PPP6R3: variants seen among roughly 807,000 people sequenced by gnomAD.
The protein encoded by PPP6R3 is protein phosphatase 6 regulatory subunit 3.
In PPP6R3, 38 loss-of-function variants were observed where a neutral mutation model predicts 110.7. The observed-to-expected ratio is 0.34, with a 90% CI of 0.26 to 0.45. The LOEUF (loss-of-function observed/expected upper bound fraction) is 0.45, where lower values mean the gene tolerates loss of function less well. Ranked by LOEUF, PPP6R3 falls within the 20% of genes least tolerant of loss-of-function variation. The pLI is 1.00. For missense variants in PPP6R3, 870 were observed against 1,062.4 expected (o/e 0.82, Z 2.52); for synonymous variants, 369 against 373.5 (o/e 0.99, Z 0.14).
At chr11:68,575,340 C>G (rs1000105632) in intron 13 of PPP6R3, among the ~76,000 whole-genome samples, 9 of 152,164 alleles carry the variant, frequency 5.9e-5, no homozygotes, top group Non-Finnish European at 1.3e-4. Flanking sequence ...GTTGTTTATC[C>G]TTTTCTTTAA....
rs572384222 is a variant in PPP6R3 at position 68,574,195 on chromosome 11, A to G, written c.1430A>G (p.Asn477Ser). The change falls in exon 13 of 24, where the codon AAC becomes AGC. Residue 477 changes from asparagine to serine, a missense_variant. Transcript: ENST00000393800. ...CIVHSTDKGP[N>S]SALVQQLIKD... Reference sequence around the variant, plus strand: ...GTGCACAGCACTGACAAGGGCCCCAACAGTGCATTAGTGCAGCAGCTTATC... The same window carrying G: ...GTGCACAGCACTGACAAGGGCCCCAGCAGTGCATTAGTGCAGCAGCTTATC... The G allele has an allele frequency of 1.9e-6, 3 of 1,613,918 alleles. No homozygotes were observed. Among genetic ancestry groups the G allele is most frequent in the African/African-American group, 1.3e-5 (1 of 75,050 alleles).
At chr11:68,520,969 A>G (rs2099161478) in intron 2 of PPP6R3, among the ~76,000 whole-genome samples, 1 of 152,148 alleles carries the variant, frequency 6.6e-6, no homozygotes, top group Non-Finnish European at 1.5e-5. Flanking sequence ...ACGGTGTCTC[A>G]CTATGTCGGC....
intron 1 of PPP6R3, among the ~76,000 whole-genome samples, chr11:68,496,243 A>G (rs1052896169): frequency 6.7e-6 from 1 of 148,776 alleles, no homozygotes; most frequent in African/African-American, 2.5e-5. Context: ...CTGGTCTTGA[A>G]CTCCTGGGCT....
At chr11:68,569,567 C>T (rs1263304032) in intron 10 of PPP6R3, among the ~76,000 whole-genome samples, 181 bp from the exon 11 acceptor site, 1 of 152,162 alleles carries the variant, frequency 6.6e-6, no homozygotes, top group Admixed American at 6.5e-5. Context: ...GTAACTGAAA[C>T]CACAGAAAAT....
chr11:68,567,446 C>CAATG (rs1254698739), intron 10 of PPP6R3, among the ~76,000 whole-genome samples: 1 of 152,208 alleles, frequency 6.6e-6, no homozygotes, highest in African/African-American at 2.4e-5. Flanking sequence ...GTCTCGTGGA[C>CAATG]AATGACTGCT....
At position 68,469,462 on chromosome 11, in the gene PPP6R3, C is replaced by T. The variant is rs73516850; in HGVS notation, c.-158+8635C>T. On this transcript the variant is annotated intron_variant, in intron 1 of 23. Coordinates refer to ENST00000393800, the MANE Select transcript of PPP6R3 (RefSeq NM_001164161.2). Reference sequence around the variant, plus strand: ...ATAGCTCACTGCAGCCTTGACTGACCTCCCTGGCTGAAACGATTCTCTCAC... The same window carrying T: ...ATAGCTCACTGCAGCCTTGACTGACTTCCCTGGCTGAAACGATTCTCTCAC... 9.0e-3 allele frequency among the ~76,000 whole-genome samples: 1,367 copies of T among 152,116 alleles called. 20 individuals carry two copies. Among genetic ancestry groups the T allele is most frequent in the African/African-American group, 0.032 (1,310 of 41,466 alleles).
intron 14 of PPP6R3, among the ~76,000 whole-genome samples, chr11:68,582,156 A>T (rs2099557510): frequency 6.6e-6 from 1 of 152,240 alleles, no homozygotes; most frequent in Non-Finnish European, 1.5e-5. Flanking sequence ...TCCCTGCCCA[A>T]AACACTTCTG....
chr11:68,469,585 C>G (rs897193403), intron 1 of PPP6R3, among the ~76,000 whole-genome samples: 1 of 151,592 alleles, frequency 6.6e-6, no homozygotes, highest in Admixed American at 6.6e-5. Context: ...TCCGATGTTG[C>G]CCAGGCTGGT....
At chr11:68,483,299 C>T (rs944114456) in intron 1 of PPP6R3, among the ~76,000 whole-genome samples, 4 of 152,134 alleles carry the variant, frequency 2.6e-5, no homozygotes, top group Non-Finnish European at 4.4e-5. Context: ...TGGGAAAATA[C>T]ATAACATAAA....
At chr11:68,508,921 A>G (rs1054626398) in intron 1 of PPP6R3, among the ~76,000 whole-genome samples, 10 of 152,052 alleles carry the variant, frequency 6.6e-5, no homozygotes, top group African/African-American at 9.6e-5. Context: ...AAAGTATACT[A>G]TTTTCTTTTC....
chr11:68,504,055 A>T lies in PPP6R3; in HGVS notation c.-157-15446A>T, dbSNP rs538631344. On this transcript the variant is annotated intron_variant, in intron 1 of 23. Transcript: ENST00000393800. The stretch of plus-strand genomic sequence containing the variant: ...GCCACGTGCCTAATTAGAAGCGCAC[A>T]TTCTTTGATCCAGCAGATCCACTTC... 1.8e-4 allele frequency among the ~76,000 whole-genome samples: 27 copies of T among 152,360 alleles called. No homozygotes were observed. In the South Asian group the frequency reaches 3.5e-3, roughly 20 times the overall value.
intron 1 of PPP6R3, among the ~76,000 whole-genome samples, chr11:68,508,378 C>T (rs2099090279): frequency 6.6e-6 from 1 of 152,040 alleles, no homozygotes; most frequent in Non-Finnish European, 1.5e-5. Context: ...GATCCACCCA[C>T]CTCCACCTCT....
chr11:68,514,457 A>T (rs941106219), intron 1 of PPP6R3, among the ~76,000 whole-genome samples: 6 of 152,020 alleles, frequency 3.9e-5, no homozygotes, highest in African/African-American at 1.5e-4. Context: ...TACCCATGTG[A>T]CTGTCATTAT....
chr11:68,613,154 A>T lies in PPP6R3; in HGVS notation c.*37A>T, dbSNP rs187794245. The stretch of plus-strand genomic sequence containing the variant: ...TGCTGCTGCTGACTGAGGACTGCAG[A>T]CCGCCACCACTCAGGGGCTCTGGAG... On this transcript the variant is annotated 3_prime_UTR_variant, in exon 24 of 24. Transcript: ENST00000393800. 1.2e-6 allele frequency: 2 copies of T among 1,613,032 alleles called. No homozygotes were observed. Among genetic ancestry groups the T allele is most frequent in the African/African-American group, 2.7e-5 (2 of 74,976 alleles).
chr11:68,540,206 G>A (rs564104806), intron 3 of PPP6R3, among the ~76,000 whole-genome samples: 2 of 152,326 alleles, frequency 1.3e-5, no homozygotes, highest in South Asian at 2.1e-4. Context: ...AATCTGCCCC[G>A]ATATTCACAT....
rs77589946 is a variant in PPP6R3, at chr11:68,468,808, G to T, written c.-158+7981G>T. Among the ~76,000 whole-genome samples, 1,196 of 152,304 alleles carry T rather than the reference G, an allele frequency of 7.9e-3. 15 individuals carry two copies. Among genetic ancestry groups the T allele is most frequent in the African/African-American group, 0.028 (1,146 of 41,548 alleles). ...ATATATAACATAATTTCTGCTGGTGGAGTAGAGATCATAAATTTGAGGTTT... is the reference window on the plus strand; with the variant it reads ...ATATATAACATAATTTCTGCTGGTGTAGTAGAGATCATAAATTTGAGGTTT... On this transcript the variant is annotated intron_variant, in intron 1 of 23. Transcript: ENST00000393800.
intron 13 of PPP6R3, among the ~76,000 whole-genome samples, chr11:68,574,741 G>C (rs1048035056): frequency 1.9e-4 from 29 of 152,270 alleles, no homozygotes; most frequent in African/African-American, 6.5e-4. Context: ...AGTTTAATCA[G>C]CCCAAGCTTA....
intron 19 of PPP6R3, among the ~76,000 whole-genome samples, chr11:68,599,924 C>T (rs900916276): frequency 6.6e-6 from 1 of 152,102 alleles, no homozygotes; most frequent in African/African-American, 2.4e-5. Flanking sequence ...GATATTGAGA[C>T]CATCCTGGCT....
At chr11:68,607,294 T>C (rs1279263301) in intron 22 of PPP6R3, among the ~76,000 whole-genome samples, 1 of 152,164 alleles carries the variant, frequency 6.6e-6, no homozygotes, top group African/African-American at 2.4e-5. Flanking sequence ...AGTTTTGATA[T>C]TAGTGTCCAA....
Sources: gnomAD v4.1 joint callset for allele counts (sites outside exome capture counted in the v4.1 genomes callset) on GRCh38, gnomAD v4.1.1 for gene constraint, MANE v1.5 for transcripts, NCBI Gene and HGNC (gene_info 2026-07-23, HGNC 2026-07-21) for gene names.